Variants in OLFM3 observed in about 807,000 individuals in gnomAD.
OLFM3 encodes the protein olfactomedin 3.
Under a neutral mutation model 48.6 loss-of-function variants are expected in OLFM3, and 20 were observed. The observed-to-expected ratio is 0.41, with a 90% CI of 0.29 to 0.60. OLFM3 has a LOEUF of 0.60. Among genes scored for constraint, OLFM3 ranks in the 20% least tolerant of loss-of-function variants. The pLI, the probability that OLFM3 is intolerant of heterozygous loss-of-function variation, is 0.28. For synonymous variants in OLFM3, 222 were observed against 198.1 expected (o/e 1.12, Z -1.01); for missense variants, 437 against 544.3 (o/e 0.80, Z 1.96).
intron 1 of OLFM3, among the ~76,000 whole-genome samples, chr1:101,871,877 T>G (rs1657097274): frequency 6.6e-6 from 1 of 152,064 alleles, no homozygotes; most frequent in East Asian, 1.9e-4. Context: ...GTGATAGAAC[T>G]TAAGTACCAC....
intron 1 of OLFM3, among the ~76,000 whole-genome samples, chr1:101,957,744 G>T (rs1415510673): frequency 6.6e-6 from 1 of 151,988 alleles, no homozygotes; most frequent in African/African-American, 2.4e-5. Flanking sequence ...GTAACAGTGT[G>T]GCTTCTTAAA....
At chr1:101,953,485 A>G (rs192096071) in intron 1 of OLFM3, among the ~76,000 whole-genome samples, 7 of 152,200 alleles carry the variant, frequency 4.6e-5, no homozygotes, top group Admixed American at 2.0e-4. Context: ...AGACTCCTAC[A>G]CTAGATGTTG....
intron 1 of OLFM3, among the ~76,000 whole-genome samples, chr1:101,879,030 A>G (rs1657411840): frequency 6.6e-6 from 1 of 151,918 alleles, no homozygotes; most frequent in African/African-American, 2.4e-5. Flanking sequence ...GGAGGGAAGC[A>G]GAGAAGGGAT....
intron 1 of OLFM3, among the ~76,000 whole-genome samples, chr1:101,911,500 A>G (rs1658759757): frequency 6.6e-6 from 1 of 152,156 alleles, no homozygotes; most frequent in South Asian, 2.1e-4. Flanking sequence ...TACCTATTAT[A>G]ATAATAATAC....
chr1:101,955,192 T>C (rs1204557127), intron 1 of OLFM3, among the ~76,000 whole-genome samples: 1 of 151,962 alleles, frequency 6.6e-6, no homozygotes, highest in African/African-American at 2.4e-5. Flanking sequence ...AAAGAAGTAA[T>C]TGGATTTAAG....
intron 1 of OLFM3, among the ~76,000 whole-genome samples, chr1:101,959,956 A>G (rs960246980): frequency 2.0e-5 from 3 of 152,202 alleles, no homozygotes; most frequent in African/African-American, 4.8e-5. Flanking sequence ...GCCTCATCAT[A>G]TAACACGAAT....
At chr1:101,913,592 G>T (rs1330525731) in intron 1 of OLFM3, among the ~76,000 whole-genome samples, 1 of 151,178 alleles carries the variant, frequency 6.6e-6, no homozygotes. Context: ...AACATTTGAG[G>T]TATTTAAGTA....
At chr1:101,847,360 TA>T (rs200193089) in intron 1 of OLFM3, among the ~76,000 whole-genome samples, 1,611 of 144,546 alleles carry the variant, frequency 0.011, 15 homozygotes, top group East Asian at 0.023. Context: ...TATCTTTCAT[TA>T]AAAAAAAAAA....
intron 1 of OLFM3, among the ~76,000 whole-genome samples, chr1:101,987,925 A>AC (rs1185800927): frequency 2.0e-5 from 3 of 152,090 alleles, no homozygotes; most frequent in Non-Finnish European, 2.9e-5. Flanking sequence ...TTAATTTCTG[A>AC]TACTATTTAG....
chr1:101,956,352 C>T (rs1434616510), intron 1 of OLFM3, among the ~76,000 whole-genome samples: 2 of 151,880 alleles, frequency 1.3e-5, no homozygotes, highest in Middle Eastern at 3.4e-3. Flanking sequence ...TTCATTCCCA[C>T]CCGTCATCAT....
chr1:101,886,229 A>G (rs1657754454), intron 1 of OLFM3, among the ~76,000 whole-genome samples: 1 of 151,996 alleles, frequency 6.6e-6, no homozygotes, highest in Admixed American at 6.6e-5. Flanking sequence ...AATGTGTAAG[A>G]AAACAGAGGC....
intron 1 of OLFM3, among the ~76,000 whole-genome samples, chr1:101,965,051 GA>G (rs1271536910): frequency 1.3e-5 from 2 of 152,142 alleles, no homozygotes; most frequent in East Asian, 3.9e-4. Context: ...AAACTGTGAT[GA>G]AGTTTAAAAG....
chr1:101,973,613 G>T (rs1178324141), intron 1 of OLFM3, among the ~76,000 whole-genome samples: 1 of 152,160 alleles, frequency 6.6e-6, no homozygotes, highest in Non-Finnish European at 1.5e-5. Context: ...CTGCCTGGGG[G>T]AAGAAGAAAT....
intron 1 of OLFM3, among the ~76,000 whole-genome samples, chr1:101,919,132 G>C (rs1023618853): frequency 1.3e-5 from 2 of 151,916 alleles, no homozygotes; most frequent in Non-Finnish European, 1.5e-5. Flanking sequence ...AACTTAATTT[G>C]GTTCTACAGA....
At chr1:101,946,763 A>G (rs1373958461) in intron 1 of OLFM3, among the ~76,000 whole-genome samples, 2 of 152,154 alleles carry the variant, frequency 1.3e-5, no homozygotes, top group African/African-American at 2.4e-5. Flanking sequence ...TTTTTTAGTA[A>G]ATAAAATGGA....
intron 1 of OLFM3, among the ~76,000 whole-genome samples, chr1:101,921,131 G>A (rs1207016201): frequency 1.3e-5 from 2 of 151,624 alleles, no homozygotes; most frequent in African/African-American, 2.4e-5. Flanking sequence ...ACAATAAAAT[G>A]TCTGGTAATC....
chr1:101,853,074 C>T (rs1017440398), intron 1 of OLFM3, among the ~76,000 whole-genome samples: 1 of 152,034 alleles, frequency 6.6e-6, no homozygotes. Flanking sequence ...TTATGTTATT[C>T]CAGTGCCTAG....
intron 1 of OLFM3, among the ~76,000 whole-genome samples, chr1:101,903,961 A>G (rs150507483): frequency 0.012 from 1,810 of 152,194 alleles, 35 homozygotes; most frequent in African/African-American, 0.041. Flanking sequence ...ATTTATTAAC[A>G]AAGTAATTTT....
At chr1:101,920,479 G>A (rs190592283) in intron 1 of OLFM3, among the ~76,000 whole-genome samples, 2 of 152,164 alleles carry the variant, frequency 1.3e-5, no homozygotes, top group African/African-American at 2.4e-5. Flanking sequence ...TGTTAAATAG[G>A]TGAACATATT....
Sources: allele counts gnomAD v4.1 joint callset (sites outside exome capture counted in the v4.1 genomes callset), GRCh38; gene constraint gnomAD v4.1.1; transcripts MANE v1.5; gene names NCBI Gene and HGNC (gene_info 2026-07-23, HGNC 2026-07-21).